The following FSD1L variants were observed in gnomAD, a reference collection of about 807,000 sequenced individuals.
FSD1L encodes the protein FSD1-like protein.
In FSD1L, 45 loss-of-function variants were observed where a neutral mutation model predicts 71.6. That is an observed-to-expected ratio of 0.63 (90% CI 0.49 to 0.81). The LOEUF is 0.81. Among genes scored for constraint, FSD1L ranks in the 30% least tolerant of loss-of-function variants. FSD1L has a pLI of 0.00. For synonymous variants in FSD1L, 197 were observed against 207.2 expected, an observed-to-expected ratio of 0.95 and a Z score of 0.42; for missense variants, 561 against 618.1, an observed-to-expected ratio of 0.91 and a Z score of 0.98.
intron 10 of FSD1L, chr9:105,523,956 C>T: frequency 1.9e-6 from 3 of 1,591,030 alleles, no homozygotes; most frequent in Non-Finnish European, 2.6e-6. Context: ...AGTAGAAGCA[C>T]AAGTTCTTCT....
Position 105,506,426 on chromosome 9 carries a change from TAG to T in FSD1L, c.617_618del (p.Glu206ValfsTer6). ...CCCAAAGCTCCAGAGATAGATCCAG[TAG>T]AGTGTTTGGTGGCAGATAACTCTGT... On this transcript the variant is annotated frameshift_variant, in exon 8 of 14. Transcript: ENST00000481272. LOFTEE classifies it high-confidence loss of function. 6.4e-7 allele frequency: 1 copy of T among 1,551,568 alleles called. No homozygotes were observed. The highest frequency in any genetic ancestry group is 8.7e-7 in the Non-Finnish European group (1 of 1,146,820).
chr9:105,484,527 G>A (rs1255859385), intron 7 of FSD1L, 25 bp downstream of exon 7: 1 of 1,410,566 alleles, frequency 7.1e-7, no homozygotes, highest in Non-Finnish European at 9.3e-7. Context: ...TACATGTAAA[G>A]TTTTGTATAA....
chr9:105,539,421 CT>C, intron 13 of FSD1L, 70 bp downstream of exon 13: 1 of 605,566 alleles, frequency 1.7e-6, no homozygotes, highest in Non-Finnish European at 2.7e-6. Context: ...GGAGAATATT[CT>C]ATACTGTATA....
intron 10 of FSD1L, among the ~76,000 whole-genome samples, chr9:105,529,627 GGGT>G (rs779709943): frequency 2.0e-5 from 3 of 152,044 alleles, no homozygotes; most frequent in Non-Finnish European, 4.4e-5. Flanking sequence ...GTCGGGGTGG[GGGT>G]CTAGAGGTGG....
At chr9:105,508,249 C>T (rs1834184195) in intron 8 of FSD1L, among the ~76,000 whole-genome samples, 1 of 145,828 alleles carries the variant, frequency 6.9e-6, no homozygotes, top group Non-Finnish European at 1.5e-5. Flanking sequence ...GCGATCTCAG[C>T]TAACTGCAAG....
In FSD1L at chr9:105,471,724, T is replaced by TTATATATATATATA. The variant is rs35702574; in HGVS notation, c.340-171_340-158dup. On this transcript the variant is annotated intron_variant, in intron 4 of 13. Transcript: ENST00000481272. ...ATATATATAAAAAAAATAACACGTT[T>TTATATATATATATA]TATATATATATATATATATATAACT... is the stretch of plus-strand genomic sequence containing the variant. Among the ~76,000 whole-genome samples, 24 of 143,330 alleles carry TTATATATATATATA rather than the reference T, an allele frequency of 1.7e-4. No individual in the cohort carries two copies. In the South Asian group the frequency reaches 2.0e-3, roughly 12 times the overall value. The allele number at this position is 143,330 out of a possible 152,430, so 94.0% of individuals were successfully genotyped here.
intron 10 of FSD1L, chr9:105,520,320 T>C (rs1318078942): frequency 1.4e-6 from 2 of 1,393,818 alleles, no homozygotes. Context: ...GTCTTCCTGA[T>C]GCGTATTTGT....
At chr9:105,456,385 GAATT>G (rs1210470042) in intron 1 of FSD1L, among the ~76,000 whole-genome samples, 1 of 152,192 alleles carries the variant, frequency 6.6e-6, no homozygotes, top group East Asian at 1.9e-4. Context: ...AGGATTAAAT[GAATT>G]AATAATATGT....
At chr9:105,455,543 A>G (rs1278110166) in intron 1 of FSD1L, among the ~76,000 whole-genome samples, 2 of 152,162 alleles carry the variant, frequency 1.3e-5, no homozygotes, top group East Asian at 1.9e-4. Context: ...CAGGAACCCT[A>G]TGATTATTTC....
rs1832560133 is a variant in FSD1L, at chr9:105,486,533, T to C, written c.586+2031T>C. Among the ~76,000 whole-genome samples the C allele has an allele frequency of 2.0e-5, 3 of 152,302 alleles. 1 individual carries two copies. The South Asian group carries it at 6.2e-4, about 32-fold the overall frequency. On this transcript the variant is annotated intron_variant, in intron 7 of 13. Transcript: ENST00000481272. ...GGAATATATCTCCAAATGTGAACTTTCTTACTTAAGAAAGGAAAATAGGAA... is the reference window on the plus strand; with the variant it reads ...GGAATATATCTCCAAATGTGAACTTCCTTACTTAAGAAAGGAAAATAGGAA...
At chr9:105,516,214 C>T (rs1361727023) in intron 10 of FSD1L, among the ~76,000 whole-genome samples, 1 of 152,198 alleles carries the variant, frequency 6.6e-6, no homozygotes, top group Non-Finnish European at 1.5e-5. Flanking sequence ...GATAAAACCC[C>T]TATCTCCCTG....
chr9:105,468,407 C>A (rs1564087399), intron 4 of FSD1L, 83 bp downstream of exon 4: 3 of 1,022,454 alleles, frequency 2.9e-6, no homozygotes, highest in South Asian at 1.9e-5. Context: ...TAATGAATTT[C>A]TAAGTATAAC....
intron 6 of FSD1L, among the ~76,000 whole-genome samples, chr9:105,481,457 G>T (rs558793269): frequency 4.0e-5 from 6 of 151,538 alleles, no homozygotes; most frequent in African/African-American, 1.5e-4. Flanking sequence ...GCTAATTTGT[G>T]TGTGTGTGTG....
In FSD1L at chr9:105,549,052, C is replaced by T. The variant is rs969707009; in HGVS notation, c.*2569C>T. ...TACATTTGAATTTAAAAATATTGAGCTCTTGATTACAATTTAATACATTGT... is the reference window on the plus strand; with the variant it reads ...TACATTTGAATTTAAAAATATTGAGTTCTTGATTACAATTTAATACATTGT... On this transcript the variant is annotated 3_prime_UTR_variant, in exon 14 of 14. Transcript: ENST00000481272. 1 of 151,906 alleles carries T rather than the reference C, an allele frequency of 6.6e-6. No homozygotes were observed. The highest frequency in any genetic ancestry group is 1.5e-5 in the Non-Finnish European group (1 of 67,916). The allele number at this position is 151,906 out of a possible 1,614,324, so 9.4% of individuals were successfully genotyped here.
At chr9:105,518,677 T>G in intron 10 of FSD1L, among the ~76,000 whole-genome samples, 1 of 152,106 alleles carries the variant, frequency 6.6e-6, no homozygotes, top group South Asian at 2.1e-4. Flanking sequence ...TAGAGGGAAA[T>G]TTATAGCACT....
intron 8 of FSD1L, among the ~76,000 whole-genome samples, chr9:105,506,979 AC>A (rs1251104159): frequency 1.3e-5 from 2 of 152,056 alleles, no homozygotes; most frequent in Non-Finnish European, 2.9e-5. Context: ...CACTATGTTG[AC>A]CAGGCTGGAA....
intron 10 of FSD1L, among the ~76,000 whole-genome samples, chr9:105,518,023 A>G (rs1589059154): frequency 1.3e-5 from 2 of 152,348 alleles, no homozygotes; most frequent in East Asian, 3.9e-4. Flanking sequence ...AATCTTTGAT[A>G]AAACAGACTT....
intron 1 of FSD1L, among the ~76,000 whole-genome samples, chr9:105,448,450 G>A (rs1190671950): frequency 6.6e-6 from 1 of 152,210 alleles, no homozygotes; most frequent in Non-Finnish European, 1.5e-5. Context: ...ACTCGGGCTG[G>A]CCTCTGCTCT....
intron 7 of FSD1L, among the ~76,000 whole-genome samples, chr9:105,496,543 A>C (rs984297516): frequency 1.3e-5 from 2 of 152,172 alleles, no homozygotes. Context: ...ATGTCTCTAC[A>C]TTGATTTAGT....
Sources: allele counts gnomAD v4.1 joint callset (sites outside exome capture counted in the v4.1 genomes callset), GRCh38; gene constraint gnomAD v4.1.1; transcripts MANE v1.5; gene names NCBI Gene and HGNC (gene_info 2026-07-23, HGNC 2026-07-21).